Variants in XKR9 observed in about 807,000 individuals in gnomAD.
XKR9 encodes XK-related protein 9.
Under a neutral mutation model 32.0 loss-of-function variants are expected in XKR9, and 32 were observed. That is an observed-to-expected ratio of 1.00 (90% confidence interval 0.76 to 1.34). The LOEUF (loss-of-function observed/expected upper bound fraction) is 1.34, where lower values mean the gene tolerates loss of function less well. XKR9 is among the 40% of genes most tolerant of loss of function. The probability of loss-of-function intolerance (pLI) is 0.00; values close to 1 mark genes in which losing one functional copy is unlikely to be tolerated. For missense variants in XKR9, 546 were observed against 429.7 expected, an observed-to-expected ratio of 1.27 and a Z score of -2.39; for synonymous variants, 168 against 143.4, an observed-to-expected ratio of 1.17 and a Z score of -1.22.
At chr8:70,882,083 G>A in the XKR9 span, among the ~76,000 whole-genome samples, 12 of 152,102 alleles carry the variant, frequency 7.9e-5, no homozygotes, top group South Asian at 2.5e-3. Context: ...TGGACACAGG[G>A]CGGGGAACAT....
At chr8:70,946,711 G>T in the XKR9 span, among the ~76,000 whole-genome samples, 1 of 152,158 alleles carries the variant, frequency 6.6e-6, no homozygotes, top group Non-Finnish European at 1.5e-5. Flanking sequence ...AAACCTCTGT[G>T]ATATGATTTG....
the XKR9 span, among the ~76,000 whole-genome samples, chr8:71,028,833 T>C: frequency 6.6e-6 from 1 of 152,186 alleles, no homozygotes; most frequent in Non-Finnish European, 1.5e-5. Context: ...CAGCTAACTA[T>C]TCACAGATTT....
chr8:70,834,476 T>C, the XKR9 span, among the ~76,000 whole-genome samples: 2 of 152,150 alleles, frequency 1.3e-5, no homozygotes, highest in African/African-American at 4.8e-5. Flanking sequence ...TCCTATCCTG[T>C]TGCAGTTAAT....
intron 2 of XKR9, among the ~76,000 whole-genome samples, chr8:70,746,944 G>T (rs957047584): frequency 1.3e-5 from 2 of 152,052 alleles, no homozygotes; most frequent in African/African-American, 2.4e-5. Context: ...GGAATCCCCA[G>T]TGTTTATTGT....
the XKR9 span, among the ~76,000 whole-genome samples, chr8:70,834,139 C>G: frequency 6.6e-6 from 1 of 151,436 alleles, no homozygotes; most frequent in Non-Finnish European, 1.5e-5. Context: ...GTATGTATTT[C>G]TAAGTATAGA....
At chr8:70,973,837 A>G in the XKR9 span, among the ~76,000 whole-genome samples, 2 of 152,242 alleles carry the variant, frequency 1.3e-5, no homozygotes, top group Non-Finnish European at 2.9e-5. Context: ...ACTTGATATA[A>G]TTTTGATTTT....
chr8:71,000,334 G>A, the XKR9 span, among the ~76,000 whole-genome samples: 2 of 152,178 alleles, frequency 1.3e-5, no homozygotes, highest in South Asian at 4.1e-4. Context: ...ACACCCAGGG[G>A]ATTTTACTGC....
At chr8:71,014,428 C>G in the XKR9 span, among the ~76,000 whole-genome samples, 1 of 152,116 alleles carries the variant, frequency 6.6e-6, no homozygotes, top group Non-Finnish European at 1.5e-5. Flanking sequence ...CTCCTTCTTG[C>G]CTCTTCCAAC....
chr8:71,004,227 CA>C, the XKR9 span, among the ~76,000 whole-genome samples: 1 of 152,080 alleles, frequency 6.6e-6, no homozygotes, highest in African/African-American at 2.4e-5. Flanking sequence ...AGATTTTGGA[CA>C]ATTTCTCTGT....
chr8:70,852,873 G>C, the XKR9 span, among the ~76,000 whole-genome samples: 2 of 152,208 alleles, frequency 1.3e-5, no homozygotes, highest in African/African-American at 4.8e-5. Context: ...GAAAAGGAGG[G>C]ATAGCAGTAG....
the XKR9 span, among the ~76,000 whole-genome samples, chr8:70,898,892 A>C: frequency 6.6e-6 from 1 of 151,466 alleles, no homozygotes; most frequent in Non-Finnish European, 1.5e-5. Context: ...CAAATTTTTG[A>C]TCTCCTATAT....
At chr8:70,949,993 A>C in the XKR9 span, among the ~76,000 whole-genome samples, 2 of 152,162 alleles carry the variant, frequency 1.3e-5, no homozygotes, top group African/African-American at 2.4e-5. Context: ...CTCCCAACAT[A>C]CTCCCTTGCT....
At chr8:70,692,207 G>A (rs1041309907) in intron 3 of XKR9, among the ~76,000 whole-genome samples, 2 of 151,724 alleles carry the variant, frequency 1.3e-5, no homozygotes, top group African/African-American at 4.8e-5. Flanking sequence ...TTCTTATTTG[G>A]CTCTCAGTTT....
At chr8:70,976,093 G>A in the XKR9 span, among the ~76,000 whole-genome samples, 2 of 152,190 alleles carry the variant, frequency 1.3e-5, no homozygotes, top group Non-Finnish European at 2.9e-5. Flanking sequence ...CATTGATTTT[G>A]TATCCTGAGA....
chr8:70,771,466 T>C (rs1307911740), intron 2 of XKR9, among the ~76,000 whole-genome samples: 1 of 152,250 alleles, frequency 6.6e-6, no homozygotes, highest in Non-Finnish European at 1.5e-5. Flanking sequence ...TTTTTTTCTC[T>C]TTATATTAAT....
chr8:70,702,083 A>G (rs968865434), intron 3 of XKR9, among the ~76,000 whole-genome samples: 2 of 152,152 alleles, frequency 1.3e-5, no homozygotes, highest in Non-Finnish European at 2.9e-5. Context: ...TATGGAGTTA[A>G]ATGGGCATTA....
chr8:70,780,354 T>C (rs1807597109), intron 2 of XKR9, among the ~76,000 whole-genome samples: 1 of 152,154 alleles, frequency 6.6e-6, no homozygotes. Context: ...TCTTTTCTAA[T>C]ATAACCATTT....
downstream of XKR9, among the ~76,000 whole-genome samples, chr8:70,736,621 A>T (rs1806868057): frequency 1.3e-5 from 2 of 152,060 alleles, no homozygotes; most frequent in South Asian, 4.1e-4. Context: ...TAAGTCTTTA[A>T]TCCATCTTGA....
At chr8:70,699,468 C>T (rs4320580) in intron 3 of XKR9, among the ~76,000 whole-genome samples, 49,907 of 151,684 alleles carry the variant, frequency 0.33, 9,378 homozygotes, top group Middle Eastern at 0.43. Context: ...ATATGAATTT[C>T]TGGGTTGAAA....
Sources: gnomAD v4.1 joint callset for allele counts (sites outside exome capture counted in the v4.1 genomes callset) on GRCh38, gnomAD v4.1.1 for gene constraint, MANE v1.5 for transcripts, NCBI Gene and HGNC (gene_info 2026-07-23, HGNC 2026-07-21) for gene names.